Variants in PTPN3 observed in about 807,000 individuals in gnomAD.
PTPN3 encodes the protein protein tyrosine phosphatase non-receptor type 3.
A neutral mutation model predicts 132.7 loss-of-function variants in PTPN3; 96 were observed. The observed-to-expected ratio is 0.72, with a 90% CI of 0.61 to 0.86. The LOEUF (loss-of-function observed/expected upper bound fraction) is 0.86, where lower values mean the gene tolerates loss of function less well. PTPN3 is among the 40% of genes least tolerant of loss of function. PTPN3 has a pLI of 0.00. For missense variants in PTPN3, 1,125 were observed against 1,159.6 expected (o/e 0.97, Z 0.43); for synonymous variants, 398 against 429.0 (o/e 0.93, Z 0.89).
intron 1 of PTPN3, among the ~76,000 whole-genome samples, chr9:109,479,628 G>A (rs946207279): frequency 3.3e-5 from 5 of 152,270 alleles, no homozygotes; most frequent in African/African-American, 1.2e-4. Flanking sequence ...CCAGGCTGGA[G>A]TGCAAAGGCA....
intron 1 of PTPN3, among the ~76,000 whole-genome samples, chr9:109,471,749 C>T (rs1261553110): frequency 6.6e-6 from 1 of 151,874 alleles, no homozygotes; most frequent in African/African-American, 2.4e-5. Flanking sequence ...AAGCAATCCT[C>T]CTGCCTCAGG....
chr9:109,399,424 C>T (rs950169414), intron 19 of PTPN3, among the ~76,000 whole-genome samples: 3 of 152,200 alleles, frequency 2.0e-5, no homozygotes, highest in African/African-American at 7.2e-5. Context: ...TTTTCTCCAT[C>T]TGTAAAAGGG....
intron 15 of PTPN3, 42 bp downstream of exon 15, chr9:109,410,187 G>T: frequency 6.2e-7 from 1 of 1,611,432 alleles, no homozygotes; most frequent in Non-Finnish European, 8.5e-7. Flanking sequence ...AGGCCGGGAA[G>T]CCCTGGGTGT....
chr9:109,415,060 A>G (rs370287373), intron 14 of PTPN3, among the ~76,000 whole-genome samples: 1,336 of 44,494 alleles, frequency 0.03, 11 homozygotes, highest in Middle Eastern at 0.11. Flanking sequence ...CCATCCGTCC[A>G]TCCGTCCGTC....
chr9:109,473,098 G>C (rs1484424603), intron 1 of PTPN3, among the ~76,000 whole-genome samples: 1 of 152,132 alleles, frequency 6.6e-6, no homozygotes, highest in Non-Finnish European at 1.5e-5. Context: ...TAATACTCGA[G>C]TCTTCAGATT....
intron 14 of PTPN3, among the ~76,000 whole-genome samples, chr9:109,419,072 C>A (rs1166001292): frequency 6.6e-6 from 1 of 152,240 alleles, no homozygotes; most frequent in African/African-American, 2.4e-5. Flanking sequence ...TCACAATCAT[C>A]CACTGTAGCC....
At chr9:109,429,390 C>G (rs982888065) in intron 10 of PTPN3, among the ~76,000 whole-genome samples, 2 of 152,196 alleles carry the variant, frequency 1.3e-5, no homozygotes, top group African/African-American at 2.4e-5. Flanking sequence ...GTCTTCCCAA[C>G]AGTGGTGAAA....
At chr9:109,505,435 G>A in the PTPN3 span, among the ~76,000 whole-genome samples, 3 of 152,072 alleles carry the variant, frequency 2.0e-5, no homozygotes, top group African/African-American at 7.2e-5. Context: ...ACCACACCTG[G>A]CTAATTTTTT....
At chr9:109,533,709 A>G in the PTPN3 span, 1 of 1,473,066 alleles carries the variant, frequency 6.8e-7, no homozygotes, top group African/African-American at 1.4e-5. Flanking sequence ...GGGTTGGAAT[A>G]CTGTGGTCCA....
chr9:109,462,198 C>T (rs1183595748), intron 2 of PTPN3, among the ~76,000 whole-genome samples: 13 of 152,218 alleles, frequency 8.5e-5, no homozygotes, highest in African/African-American at 2.9e-4. Flanking sequence ...GGTTGTCCAC[C>T]TGAGTCTTCT....
chr9:109,531,744 C>A, the PTPN3 span, among the ~76,000 whole-genome samples: 1 of 152,108 alleles, frequency 6.6e-6, no homozygotes, highest in African/African-American at 2.4e-5. Flanking sequence ...AGCCTGTGAG[C>A]ATCTCCCCAG....
chr9:109,487,456 G>A (rs565869788), intron 1 of PTPN3, among the ~76,000 whole-genome samples: 1 of 152,386 alleles, frequency 6.6e-6, no homozygotes, highest in African/African-American at 2.4e-5. Context: ...CAGAGAGCTT[G>A]TTAGAAATGC....
At chr9:109,380,069 T>C (rs1838915838) in intron 25 of PTPN3, among the ~76,000 whole-genome samples, 1 of 151,920 alleles carries the variant, frequency 6.6e-6, no homozygotes, top group Non-Finnish European at 1.5e-5. Context: ...GGGTAAGGAG[T>C]CTGGATTGTG....
intron 21 of PTPN3, among the ~76,000 whole-genome samples, chr9:109,389,807 C>G (rs1839911514): frequency 6.6e-6 from 1 of 152,174 alleles, no homozygotes; most frequent in Non-Finnish European, 1.5e-5. Flanking sequence ...AGGTTTACAC[C>G]ACCAATTCTT....
chr9:109,449,579 G>A (rs761488419), intron 5 of PTPN3: 20 of 985,492 alleles, frequency 2.0e-5, no homozygotes, highest in Non-Finnish European at 2.4e-5. Context: ...GGGAAAGGAG[G>A]CCTTCGGCAG....
intron 17 of PTPN3, among the ~76,000 whole-genome samples, chr9:109,407,460 A>C (rs1841660311): frequency 6.6e-6 from 1 of 152,258 alleles, no homozygotes; most frequent in Admixed American, 6.5e-5. Context: ...TATGTATAAC[A>C]AGACATCATG....
At chr9:109,428,831 T>C (rs1843463515) in intron 10 of PTPN3, 147 bp from the exon 11 acceptor site, 3 of 1,428,578 alleles carry the variant, frequency 2.1e-6, no homozygotes, top group South Asian at 3.1e-5. Context: ...GTAGAAATGA[T>C]GGCAGCCCCA....
intron 19 of PTPN3, among the ~76,000 whole-genome samples, chr9:109,399,895 A>G (rs138839772): frequency 0.016 from 2,470 of 151,452 alleles, 210 homozygotes; most frequent in Admixed American, 0.14. Context: ...CTGGAACACC[A>G]GGACTAGACG....
chr9:109,445,188 A>C (rs1025068328), intron 7 of PTPN3, 52 bp downstream of exon 7: 11 of 1,560,720 alleles, frequency 7.0e-6, no homozygotes, highest in Admixed American at 1.7e-5. Context: ...CTTTCTCCAC[A>C]CACTGATCAG....
Sources: gnomAD v4.1 joint callset for allele counts (sites outside exome capture counted in the v4.1 genomes callset) on GRCh38, gnomAD v4.1.1 for gene constraint, MANE v1.5 for transcripts, NCBI Gene and HGNC (gene_info 2026-07-23, HGNC 2026-07-21) for gene names.